Variants in PAQR5 observed in about 807,000 individuals in gnomAD.
PAQR5 encodes the protein progestin and adipoQ receptor family member 5, also known as membrane progestin receptor gamma.
PAQR5 carries 20 observed loss-of-function variants against 34.5 expected under a neutral mutation model. The ratio of observed to expected loss-of-function variants is 0.58; its 90% CI spans 0.41 to 0.84. PAQR5 has a LOEUF of 0.84. PAQR5 is among the 40% of genes least tolerant of loss of function. The pLI, the probability that PAQR5 is intolerant of heterozygous loss-of-function variation, is 0.00. For synonymous variants in PAQR5, 131 were observed against 155.6 expected, an observed-to-expected ratio of 0.84 and a Z score of 1.18; for missense variants, 378 against 412.7, an observed-to-expected ratio of 0.92 and a Z score of 0.73.
At position 69,397,426 on chromosome 15, in the gene PAQR5, C is replaced by CT. The variant is rs371771593; in HGVS notation, c.513-38dup. ...TGTGCGTATGCAATTTGCTGAGACT[C>CT]TTTTCATTCCATTTCCTCCCCACTT... On this transcript the variant is annotated intron_variant, in intron 6 of 8. Transcript: ENST00000395407. 632 of 1,369,982 alleles carry CT rather than the reference C, an allele frequency of 4.6e-4. 1 individual carries two copies. In the African/African-American group the frequency reaches 7.0e-3, roughly 15 times the overall value. The allele number at this position is 1,369,982 out of a possible 1,614,324, so 84.9% of individuals were successfully genotyped here. A position where few individuals can be genotyped will look rare whatever the true frequency, so the allele number is the denominator to read the frequency against.
Position 69,396,760 on chromosome 15 carries a change from T to A in PAQR5, c.513-708T>A, listed in dbSNP as rs1449998168. ...CATACCCTGAGCTGCTGCCCCAGGC[T>A]GGGCCCAAGTCAGCTGAGGCCCTGT... On this transcript the variant is annotated intron_variant, in intron 6 of 8. Transcript: ENST00000395407. The A allele has an allele frequency of 1.7e-5, 4 of 228,612 alleles. No homozygotes were observed. The South Asian group carries it at 1.8e-4, about 10-fold the overall frequency. The allele number at this position is 228,612 out of a possible 1,614,324, so 14.2% of individuals were successfully genotyped here. A position where few individuals can be genotyped will look rare whatever the true frequency, so the allele number is the denominator to read the frequency against.
chr15:69,323,277 G>A (rs553872795), intron 1 of PAQR5, among the ~76,000 whole-genome samples: 3 of 152,374 alleles, frequency 2.0e-5, no homozygotes, highest in Admixed American at 1.3e-4. Flanking sequence ...AGGTCTACTA[G>A]CAGATGGCCT....
intron 1 of PAQR5, among the ~76,000 whole-genome samples, chr15:69,332,985 G>A (rs2054421392): frequency 1.3e-5 from 2 of 152,026 alleles, no homozygotes; most frequent in African/African-American, 2.4e-5. Context: ...TTTAAAGAGC[G>A]CTATGGTTAA....
rs1327153201 is a variant in PAQR5, at chr15:69,403,589, C to G, written c.760C>G (p.His254Asp). 1 of 1,613,958 alleles carries G rather than the reference C, an allele frequency of 6.2e-7. No homozygotes were observed. The highest frequency in any genetic ancestry group is 1.3e-5 in the African/African-American group (1 of 74,920). ...PGRFDYIGHS[H>D]QLFHVCVILA... ...TTTTGTGTTTGCCATAGGTCACAGT[C>G]ACCAGCTGTTTCACGTGTGTGTGAT... Residue 254 changes from histidine to aspartate, a missense_variant, in exon 9 of 9, where the codon CAC (histidine) becomes GAC (aspartate). Coordinates refer to ENST00000395407, the MANE Select transcript of PAQR5 (RefSeq NM_017705.4).
intron 6 of PAQR5, chr15:69,397,029 G>C: frequency 2.7e-6 from 1 of 369,136 alleles, no homozygotes; most frequent in Non-Finnish European, 5.3e-6. Flanking sequence ...ATAATACCTG[G>C]GCTCCAACTA....
At chr15:69,386,946 C>A (rs980971626) in intron 5 of PAQR5, among the ~76,000 whole-genome samples, 9 of 152,130 alleles carry the variant, frequency 5.9e-5, no homozygotes, top group Non-Finnish European at 1.2e-4. Context: ...CTGACTAATC[C>A]TCGGGGTCCC....
At chr15:69,335,553 T>TTTG (rs1269774660) in intron 1 of PAQR5, among the ~76,000 whole-genome samples, 22 of 134,492 alleles carry the variant, frequency 1.6e-4, no homozygotes, top group African/African-American at 6.2e-4. Context: ...TTTTTTTTTT[T>TTTG]TTTTTTTTTT....
At chr15:69,351,599 C>T (rs574570870) in intron 2 of PAQR5, among the ~76,000 whole-genome samples, 4 of 152,308 alleles carry the variant, frequency 2.6e-5, no homozygotes, top group South Asian at 4.1e-4. Context: ...CCCTTTGTCG[C>T]GATTTAGTTT....
intron 1 of PAQR5, among the ~76,000 whole-genome samples, chr15:69,311,964 G>C (rs1332841949): frequency 6.6e-6 from 1 of 152,230 alleles, no homozygotes; most frequent in Non-Finnish European, 1.5e-5. Flanking sequence ...TGAGGCTCCA[G>C]AGCCATCAGA....
At chr15:69,383,187 C>T (rs575934034) in intron 4 of PAQR5, among the ~76,000 whole-genome samples, 2 of 152,318 alleles carry the variant, frequency 1.3e-5, no homozygotes, top group Non-Finnish European at 2.9e-5. Context: ...GGAATGGAGA[C>T]AGTAGATAGG....
intron 4 of PAQR5, among the ~76,000 whole-genome samples, chr15:69,382,269 C>A (rs8036341): frequency 0.023 from 3,453 of 152,092 alleles, 136 homozygotes; most frequent in African/African-American, 0.079. Context: ...ACATTTAGAT[C>A]CTGCGAGGAA....
At chr15:69,322,757 A>G (rs1315908477) in intron 1 of PAQR5, among the ~76,000 whole-genome samples, 2,342 of 28,290 alleles carry the variant, frequency 0.083, 652 homozygotes, top group Middle Eastern at 0.13. Flanking sequence ...AAGAAGAAGA[A>G]GAAGAAGAAG....
chr15:69,347,920 T>G (rs11637761), intron 2 of PAQR5, among the ~76,000 whole-genome samples: 122,844 of 152,144 alleles, frequency 0.81, 52,455 homozygotes, highest in Non-Finnish European at 0.96. Flanking sequence ...ACATATGAAT[T>G]TTTAGGGTGA....
At chr15:69,322,068 G>C in intron 1 of PAQR5, among the ~76,000 whole-genome samples, 1 of 151,002 alleles carries the variant, frequency 6.6e-6, no homozygotes, top group East Asian at 2.0e-4. Context: ...CAAGAAGACT[G>C]GTGGCTTATG....
intron 6 of PAQR5, chr15:69,396,866 A>C: frequency 6.9e-6 from 2 of 290,808 alleles, no homozygotes; most frequent in East Asian, 9.9e-5. Context: ...CTGTCTTTGG[A>C]TTGGAGGTTG....
At chr15:69,395,761 C>T (rs546683463) in intron 6 of PAQR5, among the ~76,000 whole-genome samples, 5 of 152,122 alleles carry the variant, frequency 3.3e-5, no homozygotes, top group African/African-American at 9.6e-5. Context: ...CTCACCTCTC[C>T]GGGAGTTTGG....
intron 2 of PAQR5, among the ~76,000 whole-genome samples, chr15:69,337,780 A>C (rs1239853054): frequency 6.6e-6 from 1 of 152,322 alleles, no homozygotes; most frequent in East Asian, 1.9e-4. Flanking sequence ...ACTGTAAATC[A>C]GTTCTATCAT....
intron 3 of PAQR5, among the ~76,000 whole-genome samples, chr15:69,375,201 C>G (rs767454568): frequency 6.6e-6 from 1 of 152,160 alleles, no homozygotes; most frequent in Non-Finnish European, 1.5e-5. Flanking sequence ...GGGCAGTTTC[C>G]TCCAAAGCCT....
chr15:69,303,063 C>T (rs1172543034), intron 1 of PAQR5, among the ~76,000 whole-genome samples: 2 of 152,178 alleles, frequency 1.3e-5, no homozygotes, highest in Non-Finnish European at 2.9e-5. Context: ...AGCCTTTTGT[C>T]TCTCTCGTTC....
Sources: allele counts gnomAD v4.1 joint callset (sites outside exome capture counted in the v4.1 genomes callset), GRCh38; gene constraint gnomAD v4.1.1; transcripts MANE v1.5; gene names NCBI Gene and HGNC (gene_info 2026-07-23, HGNC 2026-07-21).